ANO6: variants seen among roughly 807,000 people sequenced by gnomAD.
The protein encoded by ANO6 is anoctamin 6.
ANO6 carries 106 observed loss-of-function variants against 117.5 expected under a neutral mutation model. The observed-to-expected ratio is 0.90, with a 90% CI of 0.77 to 1.06. ANO6 has a LOEUF of 1.06. Ranked by LOEUF, ANO6 falls within the 50% of genes least tolerant of loss-of-function variation. The pLI, the probability that ANO6 is intolerant of heterozygous loss-of-function variation, is 0.00. For synonymous variants in ANO6, 367 were observed against 385.1 expected (o/e 0.95, Z 0.55); for missense variants, 955 against 1,121.1 (o/e 0.85, Z 2.12).
intron 2 of ANO6, among the ~76,000 whole-genome samples, chr12:45,326,100 C>T (rs968203227): frequency 1.3e-5 from 2 of 152,116 alleles, no homozygotes; most frequent in African/African-American, 4.8e-5. Flanking sequence ...AGGCATTGCG[C>T]CTTCATCCTT....
intron 1 of ANO6, among the ~76,000 whole-genome samples, chr12:45,234,740 C>CT (rs1947622097): frequency 6.8e-6 from 1 of 147,640 alleles, no homozygotes; most frequent in Admixed American, 6.9e-5. Context: ...CACCCCTGGG[C>CT]TTTTGATTCC....
At chr12:45,402,954 G>A in intron 13 of ANO6, 118 bp from the exon 14 acceptor site, 1 of 972,576 alleles carries the variant, frequency 1.0e-6, no homozygotes, top group South Asian at 1.5e-5. Context: ...AATGGAAACA[G>A]TGTGAATTGT....
At chr12:45,343,288 C>A (rs1485007565) in intron 3 of ANO6, among the ~76,000 whole-genome samples, 1 of 152,174 alleles carries the variant, frequency 6.6e-6, no homozygotes, top group Admixed American at 6.5e-5. Context: ...CTGACTGATT[C>A]TCCTACTCTT....
At chr12:45,419,915 A>G (rs1226432069) in intron 17 of ANO6, among the ~76,000 whole-genome samples, 1 of 150,612 alleles carries the variant, frequency 6.6e-6, no homozygotes, top group African/African-American at 2.4e-5. Context: ...AACATACTAA[A>G]TTTTCTGTAT....
chr12:45,310,905 T>C (rs1939828392), intron 2 of ANO6, among the ~76,000 whole-genome samples: 1 of 151,966 alleles, frequency 6.6e-6, no homozygotes, highest in South Asian at 2.1e-4. Context: ...ATCTCCATAT[T>C]CCAGAATGAG....
intron 1 of ANO6, among the ~76,000 whole-genome samples, chr12:45,295,586 C>T (rs117291604): frequency 0.017 from 2,642 of 152,226 alleles, 57 homozygotes; most frequent in East Asian, 0.085. Flanking sequence ...CAGAGTCTTA[C>T]TCGGTTGCCC....
chr12:45,277,435 A>G (rs1201540638), intron 1 of ANO6, among the ~76,000 whole-genome samples: 1 of 152,212 alleles, frequency 6.6e-6, no homozygotes, highest in African/African-American at 2.4e-5. Context: ...TTCCTCCCAC[A>G]GCCTTCTGAT....
At chr12:45,355,663 C>T (rs919337377) in intron 7 of ANO6, among the ~76,000 whole-genome samples, 8 of 152,164 alleles carry the variant, frequency 5.3e-5, no homozygotes, top group Non-Finnish European at 1.0e-4. Flanking sequence ...GCTCCGGTCA[C>T]GTGAAAATCA....
At chr12:45,343,581 C>T (rs971167780) in intron 3 of ANO6, among the ~76,000 whole-genome samples, 6 of 152,294 alleles carry the variant, frequency 3.9e-5, no homozygotes, top group Admixed American at 2.0e-4. Context: ...AGTTTGCAAC[C>T]ACTCTGTTAG....
chr12:45,409,534 T>C (rs1943032587), intron 16 of ANO6, 47 bp downstream of exon 16: 1 of 1,593,556 alleles, frequency 6.3e-7, no homozygotes, highest in South Asian at 1.1e-5. Flanking sequence ...TGTTAGAGTA[T>C]GTTGTGGATA....
intron 9 of ANO6, among the ~76,000 whole-genome samples, chr12:45,374,880 A>G (rs1941958678): frequency 6.6e-6 from 1 of 152,166 alleles, no homozygotes. Flanking sequence ...AAAGAAATAA[A>G]GGGTATTCAA....
At chr12:45,323,681 C>T (rs1940358617) in intron 2 of ANO6, among the ~76,000 whole-genome samples, 4 of 152,064 alleles carry the variant, frequency 2.6e-5, no homozygotes, top group African/African-American at 4.8e-5. Context: ...TAAAGAGATA[C>T]AATATACACA....
rs111816419 is a variant in ANO6, at chr12:45,383,153, A to G, written c.1166-5008A>G. On this transcript the variant is annotated intron_variant, in intron 10 of 19. Transcript: ENST00000320560. Reference sequence around the variant, plus strand: ...TCGTTTCAGTAATGACAGCATCTTCACCAGGAGTAGATTCCATCTCAAGAA... The same window carrying G: ...TCGTTTCAGTAATGACAGCATCTTCGCCAGGAGTAGATTCCATCTCAAGAA... The G allele has an allele frequency of 9.7e-3, 2,137 of 219,352 alleles. 52 individuals are homozygous for G. The highest frequency in any genetic ancestry group is 0.047 in the African/African-American group (2,026 of 43,522). 13.6% of individuals were successfully genotyped at this position (219,352 alleles called of 1,614,324 possible). A position where few individuals can be genotyped will look rare whatever the true frequency, so the allele number is the denominator to read the frequency against.
At chr12:45,259,887 C>T (rs1328675434) in intron 1 of ANO6, among the ~76,000 whole-genome samples, 1 of 152,232 alleles carries the variant, frequency 6.6e-6, no homozygotes, top group Non-Finnish European at 1.5e-5. Flanking sequence ...TAAAAGGCTG[C>T]AACAGCACTA....
At chr12:45,324,273 G>C (rs1273659933) in intron 2 of ANO6, among the ~76,000 whole-genome samples, 1 of 152,046 alleles carries the variant, frequency 6.6e-6, no homozygotes, top group Admixed American at 6.6e-5. Context: ...TTTTAAAATT[G>C]TGTTTTGGAA....
rs1565708852 is a variant in ANO6, at chr12:45,348,067, C to T, written c.385C>T (p.Pro129Ser). 1.2e-6 allele frequency: 2 copies of T among 1,613,980 alleles called. No individual in the cohort carries two copies. The highest frequency in any genetic ancestry group is 1.7e-6 in the Non-Finnish European group (2 of 1,179,938). Residue 129 changes from proline (P) to serine (S), a missense_variant, in exon 5 of 20, where the codon CCA becomes TCA. Transcript: ENST00000320560. ...DKLVFVKVHA[P>S]WEVLCTYAEI... ...GCTTGTATTTGTAAAAGTACACGCA[C>T]CATGGGAGGTGTTATGTACGTATGC...
In ANO6 at chr12:45,429,246, A is replaced by G. The variant is rs750597135; in HGVS notation, c.2668A>G (p.Met890Val). The G allele has an allele frequency of 8.7e-6, 14 of 1,613,826 alleles. No homozygotes were observed. Among genetic ancestry groups the G allele is most frequent in the Non-Finnish European group, 1.1e-5 (13 of 1,179,922 alleles). Residue 890 changes from methionine (M) to valine (V), a missense_variant, in exon 20 of 20, where the codon ATG (methionine) becomes GTG (valine). Met to Val is a conservative substitution (Grantham distance 21). Coordinates refer to ENST00000320560, the MANE Select transcript of ANO6 (RefSeq NM_001025356.3). The stretch of plus-strand genomic sequence containing the variant: ...TCACCTCAAAGATATGACGAAAAAT[A>G]TGGGGGTGATAGCTGAGCGGATGAT... ...ENHLKDMTKN[M>V]GVIAERMIEA...
At chr12:45,300,950 A>G (rs7488363) in intron 1 of ANO6, among the ~76,000 whole-genome samples, 1 of 152,250 alleles carries the variant, frequency 6.6e-6, no homozygotes, top group African/African-American at 2.4e-5. Context: ...ATGAAACTAT[A>G]GCGTCTTACA....
intron 1 of ANO6, among the ~76,000 whole-genome samples, chr12:45,243,029 T>C (rs1440531467): frequency 6.6e-6 from 1 of 152,240 alleles, no homozygotes; most frequent in East Asian, 1.9e-4. Context: ...AAGATAGTAA[T>C]TGTGGCCATG....
Sources: allele counts gnomAD v4.1 joint callset (sites outside exome capture counted in the v4.1 genomes callset), GRCh38; gene constraint gnomAD v4.1.1; transcripts MANE v1.5; gene names NCBI Gene and HGNC (gene_info 2026-07-23, HGNC 2026-07-21).